PGLYRP4: variants seen among roughly 807,000 people sequenced by gnomAD.
PGLYRP4 encodes the protein PGRP-I-beta.
Under a neutral mutation model 41.2 loss-of-function variants are expected in PGLYRP4, and 39 were observed. The observed-to-expected ratio is 0.95, with a 90% confidence interval of 0.73 to 1.24. The LOEUF is 1.24. PGLYRP4 is among the 50% of genes most tolerant of loss of function. The pLI is 0.00. For synonymous variants in PGLYRP4, 202 were observed against 186.8 expected (o/e 1.08, Z -0.66); for missense variants, 467 against 460.7 (o/e 1.01, Z -0.13).
At chr1:153,339,266 C>A (rs546047057) in intron 7 of PGLYRP4, among the ~76,000 whole-genome samples, 1 of 152,220 alleles carries the variant, frequency 6.6e-6, no homozygotes, top group Non-Finnish European at 1.5e-5. Flanking sequence ...AAGACAGCAA[C>A]GCTGCAAGTA....
intron 7 of PGLYRP4, among the ~76,000 whole-genome samples, chr1:153,337,666 C>T (rs942896214): frequency 6.6e-6 from 1 of 152,226 alleles, no homozygotes; most frequent in Non-Finnish European, 1.5e-5. Flanking sequence ...GGCTCCAGCA[C>T]ACCACTGCGG....
At chr1:153,343,828 A>G (rs1557830350) in intron 4 of PGLYRP4, among the ~76,000 whole-genome samples, 1 of 152,216 alleles carries the variant, frequency 6.6e-6, no homozygotes, top group African/African-American at 2.4e-5. Flanking sequence ...CAGAAAGAGC[A>G]GACAGTAAAA....
Position 153,337,259 on chromosome 1 carries a change from C to T in PGLYRP4, c.865G>A (p.Gly289Ser), listed in dbSNP as rs993690766. ...GQDGAIYEGV[G>S]WNVQGSSTPG... ...GTGGAGGAGCCTTGGACATTCCAGC[C>T]CACCCCTTCATAAATGGCGCCATCC... is the stretch of plus-strand genomic sequence containing the variant. The change falls in exon 8 of 9, where the codon GGC (glycine) becomes AGC (serine). Residue 289 changes from glycine (G) to serine (S), a missense_variant. Transcript: ENST00000359650. 1 of 1,612,928 alleles carries T rather than the reference C, an allele frequency of 6.2e-7. No homozygotes were observed. The highest frequency in any genetic ancestry group is 8.5e-7 in the Non-Finnish European group (1 of 1,179,512).
intron 8 of PGLYRP4, among the ~76,000 whole-genome samples, chr1:153,334,561 A>G (rs570989473): frequency 1.3e-5 from 2 of 150,822 alleles, no homozygotes; most frequent in African/African-American, 4.8e-5. Context: ...AGATGACACA[A>G]ACAAATGAGA....
At chr1:153,336,138 C>T (rs902138923) in intron 8 of PGLYRP4, among the ~76,000 whole-genome samples, 5 of 151,228 alleles carry the variant, frequency 3.3e-5, no homozygotes, top group Admixed American at 2.0e-4. Context: ...TTTGGGAGGC[C>T]GAGACGGGAG....
chr1:153,345,113 G>T (rs570189487), intron 4 of PGLYRP4, 56 bp downstream of exon 4: 16 of 1,331,622 alleles, frequency 1.2e-5, no homozygotes, highest in Non-Finnish European at 1.6e-5. Flanking sequence ...GACAGGAGAA[G>T]CATCCCAGGG....
At chr1:153,345,413 A>C in intron 3 of PGLYRP4, 31 bp from the exon 4 acceptor site, 1 of 1,587,336 alleles carries the variant, frequency 6.3e-7, no homozygotes, top group Non-Finnish European at 8.7e-7. Context: ...CACCTGCCCC[A>C]TCACTACCGC....
chr1:153,343,862 A>C lies in PGLYRP4; in HGVS notation c.354-654T>G, dbSNP rs890186624. Among the ~76,000 whole-genome samples, 6 of 152,324 alleles carry C rather than the reference A, an allele frequency of 3.9e-5. No individual in the cohort carries two copies. The East Asian group carries it at 1.2e-3, about 29-fold the overall frequency. On this transcript the variant is annotated intron_variant, in intron 4 of 8. Transcript: ENST00000359650. ...AACACAGATAAGACAGCTCAGGCGC[A>C]GAGAGGGGTGGGAGGAAAGTCCCTT...
intron 7 of PGLYRP4, 88 bp downstream of exon 7, chr1:153,340,293 T>C: frequency 8.5e-7 from 1 of 1,173,740 alleles, no homozygotes; most frequent in Non-Finnish European, 1.3e-6. Flanking sequence ...GACTACCCAG[T>C]AAATATTAGT....
chr1:153,338,318 T>C (rs1434143288), intron 7 of PGLYRP4, among the ~76,000 whole-genome samples: 1 of 152,206 alleles, frequency 6.6e-6, no homozygotes, highest in African/African-American at 2.4e-5. Flanking sequence ...ACCTCTGAAA[T>C]TCTTCCACTT....
chr1:153,347,737 AGG>A, intron 2 of PGLYRP4, 145 bp downstream of exon 2: 1 of 659,658 alleles, frequency 1.5e-6, no homozygotes, highest in Non-Finnish European at 2.7e-6. Flanking sequence ...TCTGTCACTC[AGG>A]CTGGAGTGCA....
rs1660302656 is a variant in PGLYRP4 at position 153,330,769 on chromosome 1, A to G, written c.1120T>C (p.Ter374ArgextTer194). Residue 374 changes from the stop codon to arginine (R), a stop_lost, in exon 9 of 9, where the codon TGA becomes CGA. Coordinates refer to ENST00000359650, the MANE Select transcript of PGLYRP4 (RefSeq NM_020393.4). ...IISTWPHFKH[*>R] Reference sequence around the variant, plus strand: ...CTCAGAAGGACCTGGGGCTTCTCTCAGTGTTTGAAATGAGGCCAGGTGCTG... The same window carrying G: ...CTCAGAAGGACCTGGGGCTTCTCTCGGTGTTTGAAATGAGGCCAGGTGCTG... 3.7e-6 allele frequency: 6 copies of G among 1,612,186 alleles called. No homozygotes were observed. Among genetic ancestry groups the G allele is most frequent in the Non-Finnish European group, 5.1e-6 (6 of 1,178,562 alleles).
At chr1:153,340,289 C>A in intron 7 of PGLYRP4, 92 bp downstream of exon 7, 1 of 1,110,500 alleles carries the variant, frequency 9.0e-7, no homozygotes, top group Non-Finnish European at 1.4e-6. Flanking sequence ...TGGTGACTAC[C>A]CAGTAAATAT....
intron 5 of PGLYRP4, among the ~76,000 whole-genome samples, chr1:153,342,574 G>T (rs1294818594): frequency 6.6e-6 from 1 of 152,236 alleles, no homozygotes; most frequent in Non-Finnish European, 1.5e-5. Flanking sequence ...AGATGCATGT[G>T]GCAAGGGGCC....
At chr1:153,345,559 C>T (rs1660974868) in intron 3 of PGLYRP4, among the ~76,000 whole-genome samples, 177 bp from the exon 4 acceptor site, 1 of 152,180 alleles carries the variant, frequency 6.6e-6, no homozygotes, top group Non-Finnish European at 1.5e-5. Context: ...CGAACACAGA[C>T]TCTGCACCTG....
rs753964568 is a variant in PGLYRP4, at chr1:153,341,738, G to A, written c.514C>T (p.Leu172=). ...CCCTTCTGGACAGCATAGGTGATTAGGTTTTCCATGGCCGACAGGGCAGCA... is the reference window on the plus strand; with the variant it reads ...CCCTTCTGGACAGCATAGGTGATTAAGTTTTCCATGGCCGACAGGGCAGCA... ...SPAALSAMEN[L]ITYAVQKGHL... Residue 172 remains leucine, a synonymous_variant, in exon 6 of 9, where the codon CTA becomes TTA. Transcript: ENST00000359650. 4.3e-6 allele frequency: 7 copies of A among 1,613,894 alleles called. No homozygotes were observed. The highest frequency in any genetic ancestry group is 1.7e-4 in the Middle Eastern group (1 of 5,934).
At chr1:153,346,470 T>C (rs1402794131) in intron 2 of PGLYRP4, among the ~76,000 whole-genome samples, 1 of 96,070 alleles carries the variant, frequency 1.0e-5, no homozygotes, top group African/African-American at 4.9e-5. Flanking sequence ...ACACACACAA[T>C]TGGCGGGGAA....
chr1:153,330,784 G>C lies in PGLYRP4; in HGVS notation c.1105C>G (p.Pro369Ala). The C allele has an allele frequency of 6.2e-7, 1 of 1,613,704 alleles. No individual in the cohort carries two copies. Among genetic ancestry groups the C allele is most frequent in the South Asian group, 1.1e-5 (1 of 91,072 alleles). The change falls in exon 9 of 9, where the codon CCT (proline) becomes GCT (alanine). Residue 369 changes from proline (P) to alanine (A), a missense_variant. Pro to Ala is a conservative substitution (Grantham distance 27, BLOSUM62 -1). Coordinates refer to ENST00000359650, the MANE Select transcript of PGLYRP4 (RefSeq NM_020393.4). ...QALYNIISTW[P>A]HFKH ...GGCTTCTCTCAGTGTTTGAAATGAG[G>C]CCAGGTGCTGATGATGTTGTACAAA...
chr1:153,338,303 C>T (rs1363521579), intron 7 of PGLYRP4, among the ~76,000 whole-genome samples: 1 of 152,190 alleles, frequency 6.6e-6, no homozygotes, highest in Admixed American at 6.5e-5. Context: ...CATTAACCTC[C>T]ACTGACCTCT....
Sources: allele counts gnomAD v4.1 joint callset (sites outside exome capture counted in the v4.1 genomes callset), GRCh38; gene constraint gnomAD v4.1.1; transcripts MANE v1.5; gene names NCBI Gene and HGNC (gene_info 2026-07-23, HGNC 2026-07-21).